Variants in TSEN2 observed in about 807,000 individuals in gnomAD.
TSEN2 encodes tRNA-splicing endonuclease subunit Sen2.
A neutral mutation model predicts 59.2 loss-of-function variants in TSEN2; 54 were observed. The observed-to-expected ratio is 0.91, with a 90% CI of 0.73 to 1.14. The LOEUF (loss-of-function observed/expected upper bound fraction) is 1.14. Among genes scored for constraint, TSEN2 ranks in the 50% most tolerant of loss-of-function variants. The probability of loss-of-function intolerance (pLI) is 0.00; values close to 1 mark genes in which losing one functional copy is unlikely to be tolerated. For missense variants in TSEN2, 636 were observed against 576.2 expected, an observed-to-expected ratio of 1.10 and a Z score of -1.06; for synonymous variants, 195 against 198.2, an observed-to-expected ratio of 0.98 and a Z score of 0.14.
upstream of TSEN2, chr3:12,484,372 G>C (rs576756250): frequency 6.6e-6 from 1 of 152,280 alleles, no homozygotes; most frequent in African/African-American, 2.4e-5. Context: ...CCAGCCGGCC[G>C]TGCGCAGGCG....
chr3:12,480,576 G>T (rs1206731890), upstream of TSEN2, among the ~76,000 whole-genome samples: 1 of 138,500 alleles, frequency 7.2e-6, no homozygotes, highest in Non-Finnish European at 1.5e-5. Context: ...TGTCGCCCAG[G>T]CTGGAGTGTA....
In TSEN2 at chr3:12,532,712, C is replaced by A. The variant is rs75288720; in HGVS notation, c.1389C>A (p.Asp463Glu). The A allele has an allele frequency of 3.0e-5, 48 of 1,613,864 alleles. No homozygotes were observed. The highest frequency in any genetic ancestry group is 3.6e-5 in the Non-Finnish European group (43 of 1,179,948). Residue 463 changes from aspartate (D) to glutamate (E), a missense_variant, in exon 12 of 12, where the codon GAC becomes GAA. Asp to Glu is a conservative substitution (Grantham distance 45). Coordinates refer to ENST00000284995, the MANE Select transcript of TSEN2 (RefSeq NM_025265.4). ...WVSSRERSDQDDL is the reference protein window; with the variant it reads ...WVSSRERSDQEDL The stretch of plus-strand genomic sequence containing the variant: ...CTTCACGAGAGAGGAGTGACCAAGA[C>A]GATCTTTAACAATTCAACCTCAAAT...
At chr3:12,534,585 G>A (rs2454443), downstream of TSEN2, among the ~76,000 whole-genome samples, 61,157 of 151,642 alleles carry the variant, frequency 0.4, 13,481 homozygotes, top group African/African-American at 0.58. Context: ...GGTGGATCAC[G>A]AGGTCAGGAG....
At position 12,529,834 on chromosome 3, in the gene TSEN2, C is replaced by G. The variant is rs1452767038; in HGVS notation, c.1209C>G (p.Ser403=). ...GSLRRPLSWK[S]LAALSRVSVN... ...TCCGCAGGCCTCTCAGTTGGAAGTC[C>G]CTGGCTGCCTTGAGCAGAGTTTCCG... Residue 403 remains serine, a synonymous_variant, in exon 10 of 12, where the codon TCC becomes TCG. Coordinates refer to ENST00000284995, the MANE Select transcript of TSEN2 (RefSeq NM_025265.4). 1.2e-6 allele frequency: 2 copies of G among 1,613,992 alleles called. No homozygotes were observed. Among genetic ancestry groups the G allele is most frequent in the East Asian group, 2.2e-5 (1 of 44,896 alleles).
At chr3:12,510,228 G>A (rs547256344) in intron 6 of TSEN2, among the ~76,000 whole-genome samples, 2 of 152,188 alleles carry the variant, frequency 1.3e-5, no homozygotes, top group African/African-American at 4.8e-5. Context: ...GTCCCATCCT[G>A]TGCGCAGTGC....
chr3:12,494,541 C>T (rs963488279), intron 3 of TSEN2, among the ~76,000 whole-genome samples: 3 of 151,998 alleles, frequency 2.0e-5, no homozygotes, highest in Non-Finnish European at 4.4e-5. Flanking sequence ...GCTGGGATTA[C>T]AGGTGTATCC....
downstream of TSEN2, among the ~76,000 whole-genome samples, chr3:12,536,669 T>A (rs532405625): frequency 8.5e-5 from 13 of 152,190 alleles, no homozygotes; most frequent in African/African-American, 3.1e-4. Flanking sequence ...TTTCCTTTAT[T>A]AGGGGCAAAA....
At position 12,492,332 on chromosome 3, in the gene TSEN2, G is replaced by A. The variant is rs2053297971; in HGVS notation, c.271+115G>A. On this transcript the variant is annotated intron_variant, in intron 3 of 11. Coordinates refer to ENST00000284995, the MANE Select transcript of TSEN2 (RefSeq NM_025265.4). ...TAGAGAAGTAACATGTACACTGGCA[G>A]TTTTACTGCCAAAGTTAGCTAGAAT... 4.8e-6 allele frequency: 4 copies of A among 840,054 alleles called. No homozygotes were observed. In the East Asian group the frequency reaches 1.0e-4, roughly 22 times the overall value. The allele number at this position is 840,054 out of a possible 1,614,324, so 52.0% of individuals were successfully genotyped here. A position where few individuals can be genotyped will look rare whatever the true frequency, so the allele number is the denominator to read the frequency against.
At chr3:12,498,691 T>C (rs939208773) in intron 4 of TSEN2, among the ~76,000 whole-genome samples, 5 of 152,184 alleles carry the variant, frequency 3.3e-5, no homozygotes, top group Admixed American at 2.6e-4. Flanking sequence ...ATTAATTTTT[T>C]ATAAGAAATT....
At chr3:12,513,866 C>T (rs536546635) in intron 6 of TSEN2, among the ~76,000 whole-genome samples, 4 of 152,320 alleles carry the variant, frequency 2.6e-5, no homozygotes, top group South Asian at 2.1e-4. Flanking sequence ...AGAAATGGAA[C>T]GCAATGTTCA....
At chr3:12,510,890 G>C (rs1005724539) in intron 6 of TSEN2, among the ~76,000 whole-genome samples, 9 of 152,140 alleles carry the variant, frequency 5.9e-5, no homozygotes, top group African/African-American at 2.2e-4. Flanking sequence ...TATACTTACA[G>C]CAGAGCCTTT....
chr3:12,486,962 C>T (rs1048428284), intron 1 of TSEN2, among the ~76,000 whole-genome samples: 2 of 152,336 alleles, frequency 1.3e-5, no homozygotes, highest in African/African-American at 4.8e-5. Context: ...ATGGCTTCCA[C>T]TTTGATGCTA....
intron 7 of TSEN2, 108 bp downstream of exon 7, chr3:12,516,769 A>G: frequency 1.7e-6 from 2 of 1,146,530 alleles, no homozygotes; most frequent in Non-Finnish European, 1.3e-6. Context: ...CTCTTACTGA[A>G]TAAAATAGGA....
chr3:12,489,877 C>T lies in TSEN2; in HGVS notation c.77C>T (p.Pro26Leu). Residue 26 changes from proline (P) to leucine (L), a missense_variant, in exon 2 of 12, where the codon CCT (proline) becomes CTT (leucine). By Grantham distance (98) the Pro-to-Leu change is moderately conservative. Coordinates refer to ENST00000284995, the MANE Select transcript of TSEN2 (RefSeq NM_025265.4). Reference protein sequence around the residue: ...YETYESPLPIPFGQDHGPLKE... With the variant: ...YETYESPLPILFGQDHGPLKE... The stretch of plus-strand genomic sequence containing the variant: ...ACTTACGAGTCTCCATTGCCAATCC[C>T]TTTTGGTCAGGACCATGGTCCTCTG... The T allele has an allele frequency of 6.2e-7, 1 of 1,614,114 alleles. No individual in the cohort carries two copies. Among genetic ancestry groups the T allele is most frequent in the Non-Finnish European group, 8.5e-7 (1 of 1,180,034 alleles).
At chr3:12,527,580 G>C (rs1244594558) in intron 8 of TSEN2, among the ~76,000 whole-genome samples, 1 of 151,662 alleles carries the variant, frequency 6.6e-6, no homozygotes, top group Non-Finnish European at 1.5e-5. Flanking sequence ...TTTTAGCACA[G>C]AGGACAGCTA....
At chr3:12,502,873 AC>A (rs1314707550) in intron 4 of TSEN2, among the ~76,000 whole-genome samples, 1 of 152,104 alleles carries the variant, frequency 6.6e-6, no homozygotes, top group Non-Finnish European at 1.5e-5. Flanking sequence ...GGAGATCGAG[AC>A]CATCCTGGCC....
At chr3:12,522,578 C>T (rs979266398) in intron 8 of TSEN2, among the ~76,000 whole-genome samples, 7 of 152,168 alleles carry the variant, frequency 4.6e-5, no homozygotes, top group Admixed American at 2.0e-4. Flanking sequence ...TGCTTTTTAA[C>T]GATATTATTT....
At chr3:12,492,888 A>G (rs1244187365) in intron 3 of TSEN2, among the ~76,000 whole-genome samples, 1 of 152,146 alleles carries the variant, frequency 6.6e-6, no homozygotes, top group East Asian at 1.9e-4. Flanking sequence ...GAATTTGGCA[A>G]TGTCTAGCAA....
chr3:12,491,754 C>T lies in TSEN2; in HGVS notation c.190-382C>T, dbSNP rs1002888583. On this transcript the variant is annotated intron_variant, in intron 2 of 11. Transcript: ENST00000284995. ...GTTAACTCAGATGGGTACAGTCGGC[C>T]CTCCATATCATGGGTTCCACTTCCG... Among the ~76,000 whole-genome samples, 5 of 152,130 alleles carry T rather than the reference C, an allele frequency of 3.3e-5. No individual in the cohort carries two copies. The South Asian group carries it at 1.0e-3, about 32-fold the overall frequency.
Sources: allele counts gnomAD v4.1 joint callset (sites outside exome capture counted in the v4.1 genomes callset), GRCh38; gene constraint gnomAD v4.1.1; transcripts MANE v1.5; gene names NCBI Gene and HGNC (gene_info 2026-07-23, HGNC 2026-07-21).